The following UBAP2 variants were observed in gnomAD, a reference collection of about 807,000 sequenced individuals.
The protein encoded by UBAP2 is ubiquitin-associated protein 2.
In UBAP2, 75 loss-of-function variants were observed where a neutral mutation model predicts 139.6. The ratio of observed to expected loss-of-function variants is 0.54; its 90% confidence interval spans 0.45 to 0.65. UBAP2 has a LOEUF of 0.65. Among genes scored for constraint, UBAP2 ranks in the 30% least tolerant of loss-of-function variants. The pLI is 0.00. For synonymous variants in UBAP2, 526 were observed against 526.2 expected, an observed-to-expected ratio of 1.00 and a Z score of 0.01; for missense variants, 1,368 against 1,369.6, an observed-to-expected ratio of 1.00 and a Z score of 0.02.
chr9:33,964,244 C>T (rs530021792), intron 8 of UBAP2, among the ~76,000 whole-genome samples: 25 of 152,274 alleles, frequency 1.6e-4, no homozygotes, highest in Middle Eastern at 3.4e-3. Flanking sequence ...TCATAACTCT[C>T]TTATCAACAA....
chr9:34,013,152 CAAAAA>C lies in UBAP2; in HGVS notation c.99+3893_99+3897del, dbSNP rs398010658. Among the ~76,000 whole-genome samples, 12 of 78,326 alleles carry C rather than the reference CAAAAA, an allele frequency of 1.5e-4. 1 individual carries two copies. The highest frequency in any genetic ancestry group is 6.8e-4 in the African/African-American group (12 of 17,634). 51.4% of individuals were successfully genotyped at this position (78,326 alleles called of 152,430 possible). The stretch of plus-strand genomic sequence containing the variant: ...TGGGCAACAGAGTGAGACTCTAGCT[CAAAAA>C]AAAAAAAAAAAAAAAAAGAGGTTAA... On this transcript the variant is annotated intron_variant, in intron 2 of 28. Transcript: ENST00000379238.
intron 2 of UBAP2, among the ~76,000 whole-genome samples, chr9:33,999,096 T>C (rs931268773): frequency 5.9e-5 from 9 of 152,210 alleles, no homozygotes; most frequent in African/African-American, 1.7e-4. Context: ...CCTAAAGCTA[T>C]TGTTCATCTT....
intron 8 of UBAP2, 43 bp downstream of exon 8, chr9:33,971,608 T>G: frequency 8.9e-7 from 1 of 1,121,556 alleles, no homozygotes; most frequent in South Asian, 1.2e-5. Context: ...TCTTAATAGC[T>G]CAAACATTTA....
At position 34,027,867 on chromosome 9, in the gene UBAP2, A is replaced by G. The variant is rs938802001; in HGVS notation, c.-41-10678T>C. Among the ~76,000 whole-genome samples, 6 of 151,290 alleles carry G rather than the reference A, an allele frequency of 4.0e-5. No individual in the cohort carries two copies. The Admixed American group carries it at 4.0e-4, about 10-fold the overall frequency. ...ACAGAGCGAGACTCCATCTCAAAAA[A>G]AAAAAAAAGAAAAGAAAAGAATCTC... On this transcript the variant is annotated intron_variant, in intron 1 of 28. Transcript: ENST00000379238.
rs770183760 is a variant in UBAP2 at position 33,988,984 on chromosome 9, C to G, written c.431G>C (p.Arg144Pro). Residue 144 changes from arginine to proline, a missense_variant, in exon 5 of 29, where the codon CGT becomes CCT. Coordinates refer to ENST00000379238, the MANE Select transcript of UBAP2 (RefSeq NM_001370062.2). ...AAGTCTGTACTTACATTCTCTGCCACGATTGCCGCCTCTTCCTTTCCGGTT... is the reference window on the plus strand; with the variant it reads ...AAGTCTGTACTTACATTCTCTGCCAGGATTGCCGCCTCTTCCTTTCCGGTT... ...NNNRKGRGGN[R>P]GREFRGEENG... 1.1e-5 allele frequency: 17 copies of G among 1,612,002 alleles called. No homozygotes were observed. The highest frequency in any genetic ancestry group is 1.4e-5 in the Non-Finnish European group (16 of 1,179,400).
chr9:33,948,316 T>A, intron 13 of UBAP2, 58 bp downstream of exon 13: 1 of 1,450,054 alleles, frequency 6.9e-7, no homozygotes, highest in Non-Finnish European at 9.2e-7. Context: ...GTCAACACAC[T>A]CTGCCAAAGC....
chr9:34,046,902 G>A (rs934669649), intron 1 of UBAP2, among the ~76,000 whole-genome samples: 1 of 152,072 alleles, frequency 6.6e-6, no homozygotes, highest in African/African-American at 2.4e-5. Flanking sequence ...TCACTACATA[G>A]ACTGCACTAG....
At chr9:33,927,702 A>T in intron 20 of UBAP2, 95 bp downstream of exon 20, 2 of 1,362,710 alleles carry the variant, frequency 1.5e-6, no homozygotes, top group South Asian at 1.4e-5. Flanking sequence ...GGCGGGCCTG[A>T]GACTCTCCTG....
Position 33,946,048 on chromosome 9 carries a change from A to G in UBAP2, c.1271-1409T>C, listed in dbSNP as rs1825629684. Among the ~76,000 whole-genome samples the G allele has an allele frequency of 2.0e-5, 3 of 152,246 alleles. No homozygotes were observed. The South Asian group carries it at 6.2e-4, about 32-fold the overall frequency. Reference sequence around the variant, plus strand: ...CACATCCTTTTTAACACACTCTAATATCAAACACTTTTGAATCTCCTGGTT... The same window carrying G: ...CACATCCTTTTTAACACACTCTAATGTCAAACACTTTTGAATCTCCTGGTT... On this transcript the variant is annotated intron_variant, in intron 13 of 28. Coordinates refer to ENST00000379238, the MANE Select transcript of UBAP2 (RefSeq NM_001370062.2).
chr9:33,996,360 G>A (rs561709671), intron 3 of UBAP2, 27 bp from the exon 4 acceptor site: 3 of 1,535,906 alleles, frequency 2.0e-6, no homozygotes, highest in South Asian at 2.3e-5. Context: ...AAAATGGTTA[G>A]AGGCAAACAA....
At position 33,944,540 on chromosome 9, in the gene UBAP2, T is replaced by A; in HGVS notation, c.1370A>T (p.Glu457Val). 1.9e-6 allele frequency: 3 copies of A among 1,614,106 alleles called. No individual in the cohort carries two copies. Among genetic ancestry groups the A allele is most frequent in the Non-Finnish European group, 1.7e-6 (2 of 1,180,020 alleles). The change falls in exon 14 of 29, where the codon GAG becomes GTG. Residue 457 changes from glutamate to valine, a missense_variant. Glu to Val is a moderately radical substitution (Grantham distance 121). Coordinates refer to ENST00000379238, the MANE Select transcript of UBAP2 (RefSeq NM_001370062.2). ...QAVTVPPPGLESFPSQAKLRE... is the reference protein window; with the variant it reads ...QAVTVPPPGLVSFPSQAKLRE... ...AAGTTTTGCCTGGGAAGGAAAGGACTCCAAACCAGGAGGAGGAACAGTGAC... is the reference window on the plus strand; with the variant it reads ...AAGTTTTGCCTGGGAAGGAAAGGACACCAAACCAGGAGGAGGAACAGTGAC...
At position 33,995,632 on chromosome 9, in the gene UBAP2, T is replaced by G. The variant is rs192456158; in HGVS notation, c.288+591A>C. ...AAATATATATTTATAAATAAATATA[T>G]ACATATGTATAAAAACTATAATATA... is the stretch of plus-strand genomic sequence containing the variant. On this transcript the variant is annotated intron_variant, in intron 4 of 28. Coordinates refer to ENST00000379238, the MANE Select transcript of UBAP2 (RefSeq NM_001370062.2). The G allele has an allele frequency of 5.2e-4, 74 of 142,316 alleles. 1 individual carries two copies. Among genetic ancestry groups the G allele is most frequent in the Non-Finnish European group, 9.1e-4 (60 of 65,886 alleles). The allele number at this position is 142,316 out of a possible 1,614,324, so 8.8% of individuals were successfully genotyped here. A position where few individuals can be genotyped will look rare whatever the true frequency, so the allele number is the denominator to read the frequency against.
At chr9:34,023,282 C>A (rs1337829202) in intron 1 of UBAP2, among the ~76,000 whole-genome samples, 1 of 151,224 alleles carries the variant, frequency 6.6e-6, no homozygotes, top group Non-Finnish European at 1.5e-5. Flanking sequence ...TTTCTCCATA[C>A]AGGAGTGCCA....
intron 7 of UBAP2, 50 bp from the exon 8 acceptor site, chr9:33,971,804 A>C (rs753391296): frequency 9.1e-7 from 1 of 1,096,034 alleles, no homozygotes; most frequent in Non-Finnish European, 1.4e-6. Context: ...CAAACACCTA[A>C]GCCAAAATAT....
chr9:34,048,860 G>C lies in UBAP2; in HGVS notation c.-77C>G, dbSNP rs1056973697. On this transcript the variant is annotated 5_prime_UTR_variant, in exon 1 of 29. Transcript: ENST00000379238. Reference sequence around the variant, plus strand: ...CTCGGAGGACCCAAGACCCGCTGCCGCCGCCGCCGCTCGTTACCTGCCAAT... The same window carrying C: ...CTCGGAGGACCCAAGACCCGCTGCCCCCGCCGCCGCTCGTTACCTGCCAAT... The C allele has an allele frequency of 6.6e-6, 1 of 152,422 alleles. No homozygotes were observed. The highest frequency in any genetic ancestry group is 2.4e-5 in the African/African-American group (1 of 41,460). The allele number at this position is 152,422 out of a possible 1,614,324, so 9.4% of individuals were successfully genotyped here.
At position 33,986,711 on chromosome 9, in the gene UBAP2, C is replaced by T. The variant is rs543927807; in HGVS notation, c.520+49G>A. The T allele has an allele frequency of 1.6e-4, 243 of 1,516,752 alleles. 2 individuals are homozygous for T. The South Asian group carries it at 2.6e-3, about 16-fold the overall frequency. 94.0% of individuals were successfully genotyped at this position (1,516,752 alleles called of 1,614,324 possible). On this transcript the variant is annotated intron_variant, in intron 6 of 28. Coordinates refer to ENST00000379238, the MANE Select transcript of UBAP2 (RefSeq NM_001370062.2). ...CACAGTCCAGCAACGCAACTGCCTG[C>T]TTCTTCCCCCTAATTGAAAGCATTT...
chr9:34,022,434 T>C (rs898566513), intron 1 of UBAP2, among the ~76,000 whole-genome samples: 446 of 11,486 alleles, frequency 0.039, 3 homozygotes, highest in Admixed American at 0.14. Context: ...GCAAGACCCC[T>C]TTTTTTTTTT....
intron 21 of UBAP2, 129 bp from the exon 22 acceptor site, chr9:33,926,793 T>TAG: frequency 9.2e-7 from 1 of 1,083,900 alleles, no homozygotes; most frequent in East Asian, 2.4e-5. Flanking sequence ...GATTAGCTGT[T>TAG]ACGGGAACAG....
intron 10 of UBAP2, among the ~76,000 whole-genome samples, chr9:33,957,793 GAC>G (rs1315690551): frequency 6.6e-6 from 1 of 152,100 alleles, no homozygotes; most frequent in Non-Finnish European, 1.5e-5. Context: ...TATAAAACCA[GAC>G]TTCCTGCATG....
Sources: gnomAD v4.1 joint callset for allele counts (sites outside exome capture counted in the v4.1 genomes callset) on GRCh38, gnomAD v4.1.1 for gene constraint, MANE v1.5 for transcripts, NCBI Gene and HGNC (gene_info 2026-07-23, HGNC 2026-07-21) for gene names.